ACAN: variants seen among roughly 807,000 people sequenced by gnomAD.
The protein encoded by ACAN is aggrecan core protein.
In ACAN, 47 loss-of-function variants were observed where a neutral mutation model predicts 169.1. The observed-to-expected ratio is 0.28, with a 90% CI of 0.22 to 0.35. The LOEUF is 0.35. Among genes scored for constraint, ACAN ranks in the 10% least tolerant of loss-of-function variants. The pLI, the probability that ACAN is intolerant of heterozygous loss-of-function variation, is 1.00. For missense variants in ACAN, 2,716 were observed against 2,759.9 expected (o/e 0.98, Z 0.36); for synonymous variants, 1,115 against 1,112.2 (o/e 1.00, Z -0.05).
At position 88,855,347 on chromosome 15, in the gene ACAN, G is replaced by A. The variant is rs767873732; in HGVS notation, c.2762G>A (p.Gly921Glu). 6.2e-7 allele frequency: 1 copy of A among 1,612,586 alleles called. No homozygotes were observed. The highest frequency in any genetic ancestry group is 8.5e-7 in the Non-Finnish European group (1 of 1,179,088). The change falls in exon 12 of 19, where the codon GGG becomes GAG. Residue 921 changes from glycine (G) to glutamate (E), a missense_variant. Gly to Glu is a moderately conservative substitution (Grantham distance 98). Transcript: ENST00000560601. ...GLPVESGLPS[G>E]DEERIEWPST... ...CCTGTGGAAAGTGGACTACCCTCAG[G>A]GGATGAAGAGAGAATTGAGTGGCCC... is the stretch of plus-strand genomic sequence containing the variant.
At chr15:88,813,013 C>A (rs1233496424) in intron 1 of ACAN, among the ~76,000 whole-genome samples, 1 of 152,178 alleles carries the variant, frequency 6.6e-6, no homozygotes, top group Non-Finnish European at 1.5e-5. Flanking sequence ...CAAGGTTGAA[C>A]AAAATTAACC....
chr15:88,806,210 T>G (rs963314429), intron 1 of ACAN, among the ~76,000 whole-genome samples: 9 of 152,226 alleles, frequency 5.9e-5, no homozygotes, highest in African/African-American at 1.9e-4. Flanking sequence ...TGTCCAGCTC[T>G]CAGCAAGCAC....
chr15:88,836,346 G>A, intron 2 of ACAN, 70 bp downstream of exon 2: 1 of 1,325,580 alleles, frequency 7.5e-7, no homozygotes, highest in Non-Finnish European at 1.1e-6. Context: ...ACTGGGTACT[G>A]AACCTGGTGC....
rs374218750 is a variant in ACAN at position 88,843,610 on chromosome 15, C to G, written c.1013C>G (p.Pro338Arg). The G allele has an allele frequency of 1.9e-6, 3 of 1,595,820 alleles. No homozygotes were observed. In the African/African-American group the frequency reaches 4.0e-5, roughly 21 times the overall value. ...GTGCATGCCAACCAGACGGGCTACC[C>G]CGACCCCTCATCCCGCTACGACGCC... Reference protein sequence around the residue: ...VYVHANQTGYPDPSSRYDAIC... With the variant: ...VYVHANQTGYRDPSSRYDAIC... The change falls in exon 6 of 19, where the codon CCC becomes CGC. Residue 338 changes from proline to arginine, a missense_variant. Physicochemically the swap from Pro to Arg is moderately radical, Grantham distance 103. Around this residue, in one of 3 missense-constraint regions of ACAN, gnomAD observed 1,283 missense variants for 1,281.5 expected, o/e 1.00. Coordinates refer to ENST00000560601, the MANE Select transcript of ACAN (RefSeq NM_001369268.1). This position sits in a 1 kb window ranked among gnomAD's most constrained non-coding sequence, Gnocchi z 4.0.
At position 88,857,549 on chromosome 15, in the gene ACAN, G is replaced by C. The variant is rs1383991847; in HGVS notation, c.4964G>C (p.Gly1655Ala). ...CCTGACTTTAGTGGACTTCCATCTG[G>C]ATTCCCAACTGTTTCCCTAGTGGAT... ...GLPDFSGLPS[G>A]FPTVSLVDST... Residue 1655 changes from glycine to alanine, a missense_variant, in exon 12 of 19, where the codon GGA becomes GCA. Physicochemically the swap from Gly to Ala is moderately conservative, Grantham distance 60. Transcript: ENST00000560601. The C allele has an allele frequency of 1.2e-6, 2 of 1,613,984 alleles. No homozygotes were observed. Among genetic ancestry groups the C allele is most frequent in the Non-Finnish European group, 1.7e-6 (2 of 1,179,898 alleles).
chr15:88,807,908 T>C lies in ACAN; in HGVS notation c.-8+4099T>C, dbSNP rs1332044629. Among the ~76,000 whole-genome samples, 1 of 152,104 alleles carries C rather than the reference T, an allele frequency of 6.6e-6. No individual in the cohort carries two copies. The highest frequency in any genetic ancestry group is 2.4e-5 in the African/African-American group (1 of 41,414). ...TGTTAAACTCATGAATAGGTGGATT[T>C]GGGGTGTGTGATGCTGGGCATCACG... is the stretch of plus-strand genomic sequence containing the variant. On this transcript the variant is annotated intron_variant, in intron 1 of 18. Coordinates refer to ENST00000560601, the MANE Select transcript of ACAN (RefSeq NM_001369268.1). The surrounding 1 kb of genome is among the most constrained non-coding windows in gnomAD (Gnocchi z 4.0).
intron 1 of ACAN, among the ~76,000 whole-genome samples, chr15:88,826,347 G>A (rs1896218418): frequency 2.0e-5 from 3 of 151,824 alleles, no homozygotes; most frequent in African/African-American, 7.3e-5. Flanking sequence ...CCACGGAGCA[G>A]GGCATTTGTA....
At chr15:88,817,849 G>GAAAAAAAAAA (rs10710630) in intron 1 of ACAN, among the ~76,000 whole-genome samples, 12 of 73,390 alleles carry the variant, frequency 1.6e-4, no homozygotes, top group African/African-American at 5.4e-4. Context: ...GTGAGACTCT[G>GAAAAAAAAAA]AAAAAAAAAA....
intron 1 of ACAN, among the ~76,000 whole-genome samples, chr15:88,824,525 A>G (rs7172242): frequency 0.012 from 1,837 of 152,262 alleles, 43 homozygotes; most frequent in African/African-American, 0.042. Context: ...CATGGGGTGT[A>G]TATTCAAGTA....
intron 11 of ACAN, among the ~76,000 whole-genome samples, chr15:88,853,508 C>G (rs553081055): frequency 1.4e-4 from 22 of 151,982 alleles, no homozygotes; most frequent in Non-Finnish European, 2.4e-4. Context: ...TGTGGTGGCA[C>G]GCACCTGTAG....
chr15:88,819,866 C>A (rs140205765), intron 1 of ACAN, among the ~76,000 whole-genome samples: 68 of 152,214 alleles, frequency 4.5e-4, no homozygotes, highest in African/African-American at 1.6e-3. Flanking sequence ...TATCTTCAGC[C>A]CCTAGCATCA....
rs777808500 is a variant in ACAN at position 88,874,295 on chromosome 15, G to T, written c.7631-110G>T. The T allele has an allele frequency of 3.4e-6, 4 of 1,173,886 alleles. No individual in the cohort carries two copies. The highest frequency in any genetic ancestry group is 5.1e-5 in the East Asian group (2 of 39,190). The allele number at this position is 1,173,886 out of a possible 1,614,324, so 72.7% of individuals were successfully genotyped here. A position where few individuals can be genotyped will look rare whatever the true frequency, so the allele number is the denominator to read the frequency against. On this transcript the variant is annotated intron_variant, in intron 18 of 18. Transcript: ENST00000560601. The surrounding 1 kb of genome is among the most constrained non-coding windows in gnomAD (Gnocchi z 7.3). ...CAGGAAAGCCGATAAAGCCTCAGGC[G>T]CCTGAGTCCTGGTTTCCACAAGGGA...
chr15:88,823,262 G>C (rs1478474062), intron 1 of ACAN, among the ~76,000 whole-genome samples: 3 of 152,182 alleles, frequency 2.0e-5, no homozygotes, highest in Non-Finnish European at 4.4e-5. Context: ...GGAAACTTTG[G>C]GCTGAAGTAT....
Position 88,843,461 on chromosome 15 carries a change from G to A in ACAN, c.864G>A (p.Leu288=). The A allele has an allele frequency of 6.2e-7, 1 of 1,611,770 alleles. No individual in the cohort carries two copies. The highest frequency in any genetic ancestry group is 2.2e-5 in the East Asian group (1 of 44,836). ...ARLATTGQLY[L]AWQAGMDMCS... ...TGGCCACCACGGGCCAGCTCTACCT[G>A]GCCTGGCAGGCTGGCATGGACATGT... Residue 288 remains leucine, a synonymous_variant, in exon 6 of 19, where the codon CTG becomes CTA. Coordinates refer to ENST00000560601, the MANE Select transcript of ACAN (RefSeq NM_001369268.1). The surrounding 1 kb of genome is among the most constrained non-coding windows in gnomAD (Gnocchi z 4.0).
intron 1 of ACAN, among the ~76,000 whole-genome samples, chr15:88,813,096 G>C (rs1477622614): frequency 2.0e-5 from 3 of 152,184 alleles, no homozygotes; most frequent in Non-Finnish European, 2.9e-5. Context: ...AGCTGCATGG[G>C]ACATGAGCCC....
chr15:88,833,208 C>T (rs1896409072), intron 1 of ACAN, among the ~76,000 whole-genome samples: 1 of 152,208 alleles, frequency 6.6e-6, no homozygotes, highest in Admixed American at 6.5e-5. Flanking sequence ...TGGACACATG[C>T]ACGCATGCTC....
rs537089178 is a variant in ACAN, at chr15:88,810,650, C to T, written c.-8+6841C>T. ...CAGGAATGTAGTAAATGTTTTTCAA[C>T]GTCACAAGACACTGAAAAGGAGGCC... is the stretch of plus-strand genomic sequence containing the variant. On this transcript the variant is annotated intron_variant, in intron 1 of 18. Coordinates refer to ENST00000560601, the MANE Select transcript of ACAN (RefSeq NM_001369268.1). Among the ~76,000 whole-genome samples the T allele has an allele frequency of 3.3e-5, 5 of 152,232 alleles. No individual in the cohort carries two copies. In the South Asian group the frequency reaches 6.2e-4, roughly 19 times the overall value.
At chr15:88,826,152 G>A (rs771248456) in intron 1 of ACAN, among the ~76,000 whole-genome samples, 11 of 152,152 alleles carry the variant, frequency 7.2e-5, no homozygotes, top group Admixed American at 2.6e-4. Context: ...ACGTCGGGGG[G>A]CTCTACTGAC....
intron 1 of ACAN, among the ~76,000 whole-genome samples, chr15:88,805,649 C>T (rs1242060125): frequency 6.6e-6 from 1 of 151,726 alleles, no homozygotes; most frequent in Non-Finnish European, 1.5e-5. Flanking sequence ...TATGAGATGA[C>T]CCAAGCAAAG....
Sources: allele counts gnomAD v4.1 joint callset (sites outside exome capture counted in the v4.1 genomes callset), GRCh38; gene constraint gnomAD v4.1.1; regional missense constraint gnomAD v4.1.1; non-coding constraint Gnocchi (gnomAD v3.1); transcripts MANE v1.5; gene names NCBI Gene and HGNC (gene_info 2026-07-23, HGNC 2026-07-21).